Variants in CCDC178 observed in about 807,000 individuals in gnomAD.
CCDC178 encodes coiled-coil domain containing 178.
In CCDC178, 126 loss-of-function variants were observed where a neutral mutation model predicts 117.4. The ratio of observed to expected loss-of-function variants is 1.07; its 90% CI spans 0.93 to 1.24. The LOEUF is 1.24. CCDC178 is among the 50% of genes most tolerant of loss of function. The pLI is 0.00. For missense variants in CCDC178, 1,030 were observed against 986.9 expected (o/e 1.04, Z -0.59); for synonymous variants, 283 against 313.4 (o/e 0.90, Z 1.02).
intron 21 of CCDC178, among the ~76,000 whole-genome samples, chr18:32,992,739 C>T (rs951217003): frequency 1.3e-5 from 2 of 152,162 alleles, no homozygotes; most frequent in Non-Finnish European, 2.9e-5. Context: ...AATCTTTCTA[C>T]AATGTACACA....
Position 33,333,256 on chromosome 18 carries a change from A to C in CCDC178, c.797T>G (p.Met266Arg). Reference protein sequence around the residue: ...NAKIQADIDYMNEHGPLLDSK... With the variant: ...NAKIQADIDYRNEHGPLLDSK... ...GTCCAGTAGAGGGCCATGTTCATTC[A>C]TGTAGTCTATGTCTGCTTGAATCTT... The change falls in exon 10 of 23, where the codon ATG becomes AGG. Residue 266 changes from methionine to arginine, a missense_variant. Physicochemically the swap from Met to Arg is moderately conservative, Grantham distance 91. Transcript: ENST00000383096. 1 of 1,613,014 alleles carries C rather than the reference A, an allele frequency of 6.2e-7. No individual in the cohort carries two copies. The highest frequency in any genetic ancestry group is 1.1e-5 in the South Asian group (1 of 91,048).
chr18:33,398,009 A>G (rs2063662427), intron 3 of CCDC178, among the ~76,000 whole-genome samples: 1 of 152,110 alleles, frequency 6.6e-6, no homozygotes, highest in Admixed American at 6.5e-5. Context: ...TTCCAGTTTA[A>G]TAACCTATAA....
rs187801668 is a variant in CCDC178, at chr18:33,262,150, A to C, written c.1409+4766T>G. ...GGCCAATTGTTATAATTTTTCCACAAAAGTTCTATCTATAAAAATTCAAAT... is the reference window on the plus strand; with the variant it reads ...GGCCAATTGTTATAATTTTTCCACACAAGTTCTATCTATAAAAATTCAAAT... On this transcript the variant is annotated intron_variant, in intron 14 of 22. Coordinates refer to ENST00000383096, the MANE Select transcript of CCDC178 (RefSeq NM_001105528.4). Among the ~76,000 whole-genome samples, 510 of 152,318 alleles carry C rather than the reference A, an allele frequency of 3.3e-3. 4 individuals are homozygous for C. Among genetic ancestry groups the C allele is most frequent in the Non-Finnish European group, 5.5e-3 (372 of 68,020 alleles).
At chr18:33,351,667 G>T (rs1204740443) in intron 7 of CCDC178, among the ~76,000 whole-genome samples, 1 of 152,074 alleles carries the variant, frequency 6.6e-6, no homozygotes, top group African/African-American at 2.4e-5. Context: ...CTCAGTCTCT[G>T]GAGTAGCTAA....
rs547585462 is a variant in CCDC178 at position 33,267,007 on chromosome 18, A to G, written c.1318T>C (p.Ser440Pro). 1 of 1,600,858 alleles carries G rather than the reference A, an allele frequency of 6.2e-7. No homozygotes were observed. Among genetic ancestry groups the G allele is most frequent in the Non-Finnish European group, 8.5e-7 (1 of 1,176,270 alleles). Residue 440 changes from serine to proline, a missense_variant, in exon 14 of 23, where the codon TCA (serine) becomes CCA (proline). Coordinates refer to ENST00000383096, the MANE Select transcript of CCDC178 (RefSeq NM_001105528.4). ...TTTGTACATGCCAAAGAAATAGCTG[A>G]AAAATCTTTTGCAACATCAGAAAGC... ...IELSDVAKDF[S>P]AISLACTKLT...
intron 22 of CCDC178, among the ~76,000 whole-genome samples, chr18:32,943,575 G>C (rs1433883554): frequency 3.9e-5 from 6 of 152,076 alleles, no homozygotes; most frequent in Non-Finnish European, 8.8e-5. Flanking sequence ...ATTAGCAGGA[G>C]TTTAATCCTA....
chr18:33,288,118 T>C (rs967333166), intron 12 of CCDC178, among the ~76,000 whole-genome samples: 2 of 152,156 alleles, frequency 1.3e-5, no homozygotes, highest in African/African-American at 2.4e-5. Context: ...ATTCTGTGAA[T>C]GGCTACTCTC....
chr18:33,288,762 A>C (rs1448046493), intron 12 of CCDC178, among the ~76,000 whole-genome samples: 1 of 152,106 alleles, frequency 6.6e-6, no homozygotes, highest in East Asian at 1.9e-4. Flanking sequence ...TGAGATTTAA[A>C]ATAAAAGATT....
At chr18:33,237,911 G>A (rs1875462140) in intron 15 of CCDC178, among the ~76,000 whole-genome samples, 2 of 152,172 alleles carry the variant, frequency 1.3e-5, no homozygotes, top group Admixed American at 1.3e-4. Flanking sequence ...CAGACCCTAA[G>A]TTAGCTGACC....
At chr18:33,221,147 G>A (rs1652062670) in intron 18 of CCDC178, among the ~76,000 whole-genome samples, 3 of 152,100 alleles carry the variant, frequency 2.0e-5, no homozygotes, top group African/African-American at 7.2e-5. Flanking sequence ...CTTCCTCAGA[G>A]AAGCTACACT....
chr18:33,315,690 T>C (rs1422136792), intron 11 of CCDC178, among the ~76,000 whole-genome samples: 1 of 152,162 alleles, frequency 6.6e-6, no homozygotes, highest in African/African-American at 2.4e-5. Context: ...CCATTTTGAC[T>C]GGGGGCTAGG....
chr18:33,211,965 T>A lies in CCDC178; in HGVS notation c.2169A>T (p.Arg723Ser). 1 of 1,610,414 alleles carries A rather than the reference T, an allele frequency of 6.2e-7. No individual in the cohort carries two copies. The highest frequency in any genetic ancestry group is 1.1e-5 in the South Asian group (1 of 90,756). The change falls in exon 20 of 23, where the codon AGA (arginine) becomes AGT (serine). Residue 723 changes from arginine (R) to serine (S), a missense_variant. Transcript: ENST00000383096. Reference sequence around the variant, plus strand: ...TAAATCTCTGATCTTCCTCAAAGATTCTCTCTTCACAGTCTTTTTTCTCTT... The same window carrying A: ...TAAATCTCTGATCTTCCTCAAAGATACTCTCTTCACAGTCTTTTTTCTCTT... ...YMQEKKDCEE[R>S]IFEEDQRFRV...
intron 14 of CCDC178, among the ~76,000 whole-genome samples, chr18:33,251,133 A>C (rs904660236): frequency 1.3e-5 from 2 of 151,306 alleles, no homozygotes; most frequent in African/African-American, 4.8e-5. Context: ...GTTTTGCTAC[A>C]AAAAAAATAG....
chr18:33,195,561 C>G (rs1009960272), intron 20 of CCDC178, among the ~76,000 whole-genome samples: 14 of 152,174 alleles, frequency 9.2e-5, no homozygotes, highest in African/African-American at 1.4e-4. Flanking sequence ...TTTTGTAGTA[C>G]AGGTAAATAT....
intron 21 of CCDC178, among the ~76,000 whole-genome samples, chr18:33,016,460 T>A (rs1318767580): frequency 6.6e-6 from 1 of 152,050 alleles, no homozygotes; most frequent in African/African-American, 2.4e-5. Context: ...AGCAAAGGTA[T>A]CTACACAGAT....
chr18:33,407,203 T>C (rs749067050), intron 3 of CCDC178, among the ~76,000 whole-genome samples: 3 of 152,196 alleles, frequency 2.0e-5, no homozygotes, highest in Admixed American at 6.6e-5. Flanking sequence ...GAGAATTTCC[T>C]ATAGCCTTAA....
chr18:33,172,034 C>T (rs1394719304), intron 20 of CCDC178, among the ~76,000 whole-genome samples: 2 of 152,164 alleles, frequency 1.3e-5, no homozygotes, highest in African/African-American at 4.8e-5. Context: ...CCTCAGCCTC[C>T]TGAGTAGCTG....
At chr18:33,303,280 A>C (rs2062203433) in intron 11 of CCDC178, among the ~76,000 whole-genome samples, 1 of 152,328 alleles carries the variant, frequency 6.6e-6, no homozygotes, top group Admixed American at 6.5e-5. Context: ...TCACATTCTT[A>C]AAAAGTCATA....
At chr18:33,177,400 C>A (rs1049904000) in intron 20 of CCDC178, among the ~76,000 whole-genome samples, 1 of 152,044 alleles carries the variant, frequency 6.6e-6, no homozygotes, top group African/African-American at 2.4e-5. Context: ...AAATAAAAAA[C>A]CATCTTATCT....
Sources: allele counts gnomAD v4.1 joint callset (sites outside exome capture counted in the v4.1 genomes callset), GRCh38; gene constraint gnomAD v4.1.1; transcripts MANE v1.5; gene names NCBI Gene and HGNC (gene_info 2026-07-23, HGNC 2026-07-21).